Variants in PIK3R1 observed in about 807,000 individuals in gnomAD.
PIK3R1 encodes phosphoinositide-3-kinase regulatory subunit 1.
In PIK3R1, 29 loss-of-function variants were observed where a neutral mutation model predicts 98.0. The observed-to-expected ratio is 0.30, with a 90% CI of 0.22 to 0.40. The LOEUF (loss-of-function observed/expected upper bound fraction) is 0.40. Ranked by LOEUF, PIK3R1 falls within the 10% of genes least tolerant of loss-of-function variation. The probability of loss-of-function intolerance (pLI) is 1.00; values close to 1 mark genes in which losing one functional copy is unlikely to be tolerated. For synonymous variants in PIK3R1, 282 were observed against 311.8 expected, an observed-to-expected ratio of 0.90 and a Z score of 1.01; for missense variants, 596 against 872.7, an observed-to-expected ratio of 0.68 and a Z score of 3.99.
intron 2 of PIK3R1, among the ~76,000 whole-genome samples, chr5:68,264,742 A>G (rs968955368): frequency 6.6e-6 from 1 of 152,204 alleles, no homozygotes; most frequent in Non-Finnish European, 1.5e-5. Context: ...CATGGGCATC[A>G]GGAGGCCTGG....
rs76752856 is a variant in PIK3R1, at chr5:68,299,917, C to A, written c.*2316C>A. Reference sequence around the variant, plus strand: ...TGACGATTTCCCTGGTTTTAGTCTGCGTCTCTGCTTTAAAGTTATTGTGAT... The same window carrying A: ...TGACGATTTCCCTGGTTTTAGTCTGAGTCTCTGCTTTAAAGTTATTGTGAT... On this transcript the variant is annotated 3_prime_UTR_variant, in exon 16 of 16. Transcript: ENST00000521381. 177 of 233,134 alleles carry A rather than the reference C, an allele frequency of 7.6e-4. No individual in the cohort carries two copies. The highest frequency in any genetic ancestry group is 1.3e-3 in the Non-Finnish European group (149 of 117,982). 14.4% of individuals were successfully genotyped at this position (233,134 alleles called of 1,614,324 possible). A position where few individuals can be genotyped will look rare whatever the true frequency, so the allele number is the denominator to read the frequency against.
intron 7 of PIK3R1, among the ~76,000 whole-genome samples, chr5:68,284,035 G>T (rs1437824152): frequency 6.6e-6 from 1 of 152,152 alleles, no homozygotes; most frequent in Non-Finnish European, 1.5e-5. Flanking sequence ...AAAAAAAAGT[G>T]GGCTTCTGAC....
chr5:68,222,436 T>C (rs1052671345), intron 1 of PIK3R1, among the ~76,000 whole-genome samples: 3 of 130,114 alleles, frequency 2.3e-5, no homozygotes, highest in African/African-American at 1.0e-4. Context: ...CCTGGGATAG[T>C]GGCAGGAGGC....
chr5:68,295,390 A>G, intron 13 of PIK3R1, 30 bp from the exon 14 acceptor site: 1 of 1,613,834 alleles, frequency 6.2e-7, no homozygotes, highest in South Asian at 1.1e-5. Flanking sequence ...GGATGAGTTA[A>G]TGCGTTCTCT....
intron 7 of PIK3R1, among the ~76,000 whole-genome samples, chr5:68,283,678 A>G (rs961764146): frequency 7.9e-5 from 12 of 152,244 alleles, no homozygotes; most frequent in Non-Finnish European, 7.3e-5. Context: ...AGTTGAAAGC[A>G]TTGTCCAGCT....
chr5:68,262,684 T>G (rs1256264985), intron 2 of PIK3R1, among the ~76,000 whole-genome samples: 1 of 41,108 alleles, frequency 2.4e-5, no homozygotes, highest in Admixed American at 2.1e-4. Flanking sequence ...TACATGTATC[T>G]GCATGTATAC....
At chr5:68,223,475 T>C in intron 1 of PIK3R1, among the ~76,000 whole-genome samples, 1 of 152,206 alleles carries the variant, frequency 6.6e-6, no homozygotes, top group Non-Finnish European at 1.5e-5. Context: ...GCCCTGTTTG[T>C]ATCCATCTTC....
intron 7 of PIK3R1, chr5:68,292,008 C>G: frequency 3.1e-6 from 1 of 318,888 alleles, no homozygotes; most frequent in Admixed American, 4.6e-5. Context: ...ATTCACATGG[C>G]CAGCCCAATT....
At chr5:68,251,651 G>T (rs1425269837) in intron 2 of PIK3R1, among the ~76,000 whole-genome samples, 2 of 151,956 alleles carry the variant, frequency 1.3e-5, no homozygotes, top group Non-Finnish European at 2.9e-5. Context: ...AGCCCCAGCT[G>T]CAAAAAAGTA....
rs559257481 is a variant in PIK3R1, at chr5:68,288,499, G to A, written c.917-3760G>A. 3 of 1,315,274 alleles carry A rather than the reference G, an allele frequency of 2.3e-6. No individual in the cohort carries two copies. In the African/African-American group the frequency reaches 4.8e-5, roughly 21 times the overall value. The allele number at this position is 1,315,274 out of a possible 1,614,324, so 81.5% of individuals were successfully genotyped here. A position where few individuals can be genotyped will look rare whatever the true frequency, so the allele number is the denominator to read the frequency against. On this transcript the variant is annotated intron_variant, in intron 7 of 15. Coordinates refer to ENST00000521381, the MANE Select transcript of PIK3R1 (RefSeq NM_181523.3). ...GCCCGGACGCACTGCCGGGCGGGGC[G>A]TGGGGCGGAGGGACGAGCCGAGCCG...
chr5:68,265,879 A>G (rs1377014802), intron 2 of PIK3R1, among the ~76,000 whole-genome samples: 1 of 152,248 alleles, frequency 6.6e-6, no homozygotes, highest in African/African-American at 2.4e-5. Context: ...ATATTTAAAA[A>G]TGTCAGAGAA....
intron 15 of PIK3R1, among the ~76,000 whole-genome samples, chr5:68,296,599 A>G (rs939794336): frequency 6.6e-6 from 1 of 152,072 alleles, no homozygotes; most frequent in African/African-American, 2.4e-5. Flanking sequence ...GTGCTAATTA[A>G]TCATGAGAAA....
chr5:68,226,606 C>A lies in PIK3R1; in HGVS notation c.-70C>A. On this transcript the variant is annotated 5_prime_UTR_variant, in exon 2 of 16. Coordinates refer to ENST00000521381, the MANE Select transcript of PIK3R1 (RefSeq NM_181523.3). The stretch of plus-strand genomic sequence containing the variant: ...TAACACATTCTCTGAATTCACTTTT[C>A]ATAAAAACGTAAAATCAGACTGCTC... 7.9e-7 allele frequency: 1 copy of A among 1,260,550 alleles called. No homozygotes were observed. Among genetic ancestry groups the A allele is most frequent in the South Asian group, 1.3e-5 (1 of 75,152 alleles). 78.1% of individuals were successfully genotyped at this position (1,260,550 alleles called of 1,614,324 possible). A position where few individuals can be genotyped will look rare whatever the true frequency, so the allele number is the denominator to read the frequency against.
At position 68,299,435 on chromosome 5, in the gene PIK3R1, G is replaced by A. The variant is rs904903444; in HGVS notation, c.*1834G>A. On this transcript the variant is annotated 3_prime_UTR_variant, in exon 16 of 16. Transcript: ENST00000521381. ...TAATCATTGTATGTGCTTCACTACG[G>A]GGGGGAGAAGGAAACGTTAGCATCA... 3.4e-5 allele frequency: 8 copies of A among 232,960 alleles called. No homozygotes were observed. Among genetic ancestry groups the A allele is most frequent in the Non-Finnish European group, 6.8e-5 (8 of 118,026 alleles). 14.4% of individuals were successfully genotyped at this position (232,960 alleles called of 1,614,324 possible).
intron 2 of PIK3R1, among the ~76,000 whole-genome samples, chr5:68,250,461 G>T: frequency 6.6e-6 from 1 of 152,220 alleles, no homozygotes; most frequent in East Asian, 1.9e-4. Context: ...CATTGGCCTT[G>T]ATAGACTTAG....
chr5:68,226,832 A>G lies in PIK3R1; in HGVS notation c.157A>G (p.Ile53Val). ...SDGQEARPEE[I>V]GWLNGYNETT... ...TGGACAGGAAGCCAGGCCTGAAGAA[A>G]TTGGCTGGTTAAATGGCTATAATGA... is the stretch of plus-strand genomic sequence containing the variant. The change falls in exon 2 of 16, where the codon ATT (isoleucine) becomes GTT (valine). Residue 53 changes from isoleucine (I) to valine (V), a missense_variant. Transcript: ENST00000521381. The G allele has an allele frequency of 6.2e-7, 1 of 1,614,162 alleles. No homozygotes were observed. The highest frequency in any genetic ancestry group is 8.5e-7 in the Non-Finnish European group (1 of 1,180,030).
In PIK3R1 at chr5:68,299,809, C is replaced by T. The variant is rs1747938253; in HGVS notation, c.*2208C>T. On this transcript the variant is annotated 3_prime_UTR_variant, in exon 16 of 16. Coordinates refer to ENST00000521381, the MANE Select transcript of PIK3R1 (RefSeq NM_181523.3). ...TTACATGAAACTACTCATACTTAAGCAAAAGTCAGTCTTATAGCAAGACTG... is the reference window on the plus strand; with the variant it reads ...TTACATGAAACTACTCATACTTAAGTAAAAGTCAGTCTTATAGCAAGACTG... The T allele has an allele frequency of 4.3e-6, 1 of 233,034 alleles. No individual in the cohort carries two copies. The highest frequency in any genetic ancestry group is 8.5e-6 in the Non-Finnish European group (1 of 118,014). The allele number at this position is 233,034 out of a possible 1,614,324, so 14.4% of individuals were successfully genotyped here. A position where few individuals can be genotyped will look rare whatever the true frequency, so the allele number is the denominator to read the frequency against.
intron 2 of PIK3R1, among the ~76,000 whole-genome samples, chr5:68,235,078 C>T (rs1744613615): frequency 6.6e-6 from 1 of 152,056 alleles, no homozygotes; most frequent in Non-Finnish European, 1.5e-5. Flanking sequence ...ATCTTAAACA[C>T]TGATGGCTTT....
intron 2 of PIK3R1, among the ~76,000 whole-genome samples, chr5:68,240,377 C>G (rs1580189106): frequency 6.6e-6 from 1 of 152,172 alleles, no homozygotes; most frequent in East Asian, 1.9e-4. Flanking sequence ...TCTAATCTTC[C>G]CCTTAGGGGA....
Sources: allele counts gnomAD v4.1 joint callset (sites outside exome capture counted in the v4.1 genomes callset), GRCh38; gene constraint gnomAD v4.1.1; transcripts MANE v1.5; gene names NCBI Gene and HGNC (gene_info 2026-07-23, HGNC 2026-07-21).